Variants in MINDY4 observed in about 807,000 individuals in gnomAD.
The protein encoded by MINDY4 is MINDY lysine 48 deubiquitinase 4, also known as probable ubiquitin carboxyl-terminal hydrolase MINDY-4.
MINDY4 carries 68 observed loss-of-function variants against 87.0 expected under a neutral mutation model. The ratio of observed to expected loss-of-function variants is 0.78; its 90% confidence interval spans 0.64 to 0.96. MINDY4 has a LOEUF of 0.96. MINDY4 is among the 40% of genes least tolerant of loss of function. MINDY4 has a pLI of 0.00. For missense variants in MINDY4, 919 were observed against 928.2 expected (o/e 0.99, Z 0.13); for synonymous variants, 379 against 363.2 (o/e 1.04, Z -0.50).
chr7:30,773,915 C>T (rs1219617123), intron 1 of MINDY4, among the ~76,000 whole-genome samples: 5 of 152,230 alleles, frequency 3.3e-5, no homozygotes, highest in Non-Finnish European at 7.3e-5. Flanking sequence ...TAATTGCACC[C>T]TCCATAACAG....
intron 9 of MINDY4, among the ~76,000 whole-genome samples, chr7:30,847,658 A>G (rs1211142236): frequency 6.6e-6 from 1 of 152,246 alleles, no homozygotes; most frequent in Non-Finnish European, 1.5e-5. Flanking sequence ...ATGAAATAAC[A>G]TGGAAAGAGT....
chr7:30,775,215 C>T (rs901642683), intron 1 of MINDY4, among the ~76,000 whole-genome samples: 1 of 152,164 alleles, frequency 6.6e-6, no homozygotes, highest in Admixed American at 6.5e-5. Context: ...TGACTGCCCC[C>T]ACTTCAGATG....
At chr7:30,787,927 G>C (rs926416589) in intron 4 of MINDY4, among the ~76,000 whole-genome samples, 1 of 152,082 alleles carries the variant, frequency 6.6e-6, no homozygotes, top group Non-Finnish European at 1.5e-5. Context: ...AAAGTGAGAA[G>C]TTAAAAATAT....
At chr7:30,817,755 G>A (rs907651982) in intron 5 of MINDY4, among the ~76,000 whole-genome samples, 1 of 152,218 alleles carries the variant, frequency 6.6e-6, no homozygotes, top group Non-Finnish European at 1.5e-5. Context: ...GGTGATGCCA[G>A]TCTTACCTAG....
intron 2 of MINDY4, chr7:30,779,580 G>A (rs545309072): frequency 2.2e-4 from 33 of 152,312 alleles, no homozygotes; most frequent in Non-Finnish European, 4.0e-4. Flanking sequence ...ATTTGAAGTG[G>A]GGAAAAGGAG....
At chr7:30,787,485 A>G (rs1787191070) in intron 4 of MINDY4, among the ~76,000 whole-genome samples, 1 of 152,222 alleles carries the variant, frequency 6.6e-6, no homozygotes, top group Non-Finnish European at 1.5e-5. Context: ...GATAAACTCT[A>G]TTTGCAATCT....
At chr7:30,862,161 C>T (rs1789785624) in intron 13 of MINDY4, among the ~76,000 whole-genome samples, 1 of 152,224 alleles carries the variant, frequency 6.6e-6, no homozygotes, top group Non-Finnish European at 1.5e-5. Flanking sequence ...TTGCATGCTT[C>T]CCCCGAGGGC....
chr7:30,874,417 C>A (rs1345015195), intron 14 of MINDY4, among the ~76,000 whole-genome samples: 4 of 152,192 alleles, frequency 2.6e-5, no homozygotes, highest in Admixed American at 6.5e-5. Context: ...GAGTAACCCA[C>A]CTGTGAGCCC....
intron 13 of MINDY4, among the ~76,000 whole-genome samples, chr7:30,861,525 G>A (rs117061269): frequency 0.015 from 2,224 of 152,316 alleles, 19 homozygotes; most frequent in Non-Finnish European, 0.022. Context: ...CCCTAGAGCT[G>A]GCTTTTTGGG....
chr7:30,846,487 C>T (rs1482174081), intron 9 of MINDY4, among the ~76,000 whole-genome samples: 1 of 152,210 alleles, frequency 6.6e-6, no homozygotes, highest in East Asian at 1.9e-4. Context: ...GTTTAAGAGC[C>T]TGGCCAGGTG....
chr7:30,810,691 A>G (rs556708734), intron 5 of MINDY4, among the ~76,000 whole-genome samples: 24 of 152,336 alleles, frequency 1.6e-4, no homozygotes, highest in Admixed American at 1.5e-3. Flanking sequence ...AACATTAAAA[A>G]TGGAATAAAT....
intron 13 of MINDY4, among the ~76,000 whole-genome samples, chr7:30,871,852 C>T (rs1200935071): frequency 6.6e-6 from 1 of 152,146 alleles, no homozygotes; most frequent in African/African-American, 2.4e-5. Flanking sequence ...GACTGAGGCT[C>T]AGAGGTGGAA....
rs1327937658 is a variant in MINDY4 at position 30,892,013 on chromosome 7, ATGTGGGTAAACCC to A, written c.*14_*26del. Reference sequence around the variant, plus strand: ...TCAGACCCCATCCTGTGACCGTTGGATGTGGGTAAACCCTGTGGTCCACCACTCATCACCTCAT... The same window carrying A: ...TCAGACCCCATCCTGTGACCGTTGGATGTGGTCCACCACTCATCACCTCAT... On this transcript the variant is annotated 3_prime_UTR_variant, in exon 18 of 18. Coordinates refer to ENST00000265299, the MANE Select transcript of MINDY4 (RefSeq NM_032222.3). 1 of 1,613,964 alleles carries A rather than the reference ATGTGGGTAAACCC, an allele frequency of 6.2e-7. No homozygotes were observed. The highest frequency in any genetic ancestry group is 8.5e-7 in the Non-Finnish European group (1 of 1,179,978).
At chr7:30,790,632 A>T (rs1787293185) in intron 4 of MINDY4, among the ~76,000 whole-genome samples, 1 of 152,004 alleles carries the variant, frequency 6.6e-6, no homozygotes, top group Admixed American at 6.5e-5. Flanking sequence ...TTTAGTAGAT[A>T]TGGGGTTTCA....
chr7:30,891,906 G>A (rs760362933), intron 17 of MINDY4, 51 bp from the exon 18 acceptor site: 2 of 1,592,056 alleles, frequency 1.3e-6, no homozygotes, highest in Non-Finnish European at 1.7e-6. Context: ...GCTCTCATCT[G>A]GGACCCTGAA....
intron 5 of MINDY4, among the ~76,000 whole-genome samples, chr7:30,805,959 C>G (rs926644803): frequency 1.3e-5 from 2 of 152,008 alleles, no homozygotes; most frequent in African/African-American, 2.4e-5. Context: ...GGGTGGGGCC[C>G]GGAAGGGGAC....
At chr7:30,805,506 C>T (rs1434684843) in intron 5 of MINDY4, among the ~76,000 whole-genome samples, 1 of 152,130 alleles carries the variant, frequency 6.6e-6, no homozygotes, top group Non-Finnish European at 1.5e-5. Flanking sequence ...GCAGTGGAGA[C>T]CACGTGCTTG....
At chr7:30,807,997 T>A (rs1038712226) in intron 5 of MINDY4, among the ~76,000 whole-genome samples, 4 of 152,218 alleles carry the variant, frequency 2.6e-5, no homozygotes, top group African/African-American at 7.2e-5. Flanking sequence ...CTGCTACATT[T>A]CTTGGTTCCC....
chr7:30,876,778 G>T (rs1037925563), intron 15 of MINDY4, among the ~76,000 whole-genome samples: 16 of 152,196 alleles, frequency 1.1e-4, no homozygotes, highest in African/African-American at 3.9e-4. Flanking sequence ...CCCCTGCAAA[G>T]ATTCTTGGAG....
Sources: allele counts gnomAD v4.1 joint callset (sites outside exome capture counted in the v4.1 genomes callset), GRCh38; gene constraint gnomAD v4.1.1; transcripts MANE v1.5; gene names NCBI Gene and HGNC (gene_info 2026-07-23, HGNC 2026-07-21).